The following FLRT2 variants were observed in gnomAD, a reference collection of about 807,000 sequenced individuals.
FLRT2 encodes the protein fibronectin leucine rich transmembrane protein 2.
In FLRT2, 15 loss-of-function variants were observed where a neutral mutation model predicts 40.0. The ratio of observed to expected loss-of-function variants is 0.38; its 90% CI spans 0.25 to 0.58. FLRT2 has a LOEUF of 0.58. Ranked by LOEUF, FLRT2 falls within the 20% of genes least tolerant of loss-of-function variation. FLRT2 has a pLI of 0.71. For missense variants in FLRT2, 726 were observed against 840.0 expected (o/e 0.86, Z 1.68); for synonymous variants, 380 against 336.8 (o/e 1.13, Z -1.41).
intron 1 of FLRT2, among the ~76,000 whole-genome samples, chr14:85,578,891 C>A (rs1391926595): frequency 6.6e-6 from 1 of 152,210 alleles, no homozygotes; most frequent in Non-Finnish European, 1.5e-5. Flanking sequence ...AACCAGAAGG[C>A]ACTCCAAAGG....
At chr14:85,572,472 A>T (rs954918049) in intron 1 of FLRT2, among the ~76,000 whole-genome samples, 8 of 152,202 alleles carry the variant, frequency 5.3e-5, no homozygotes, top group African/African-American at 1.9e-4. Flanking sequence ...CAGTATATCC[A>T]GTAATTTTTT....
In FLRT2 at chr14:85,530,255, A is replaced by G. The variant is rs1364035282; in HGVS notation, c.-656A>G. Reference sequence around the variant, plus strand: ...TCAGTGCCCGCAAATCTCCGCGCCAAGGCGCTGAGCTACTCCTTTCCGAGG... The same window carrying G: ...TCAGTGCCCGCAAATCTCCGCGCCAGGGCGCTGAGCTACTCCTTTCCGAGG... On this transcript the variant is annotated 5_prime_UTR_variant, in exon 1 of 2. Transcript: ENST00000330753. 6.6e-6 allele frequency: 1 copy of G among 152,578 alleles called. No individual in the cohort carries two copies. Among genetic ancestry groups the G allele is most frequent in the Non-Finnish European group, 1.5e-5 (1 of 68,054 alleles). 9.5% of individuals were successfully genotyped at this position (152,578 alleles called of 1,614,324 possible).
chr14:85,590,058 ATTT>A (rs35439175), intron 1 of FLRT2, among the ~76,000 whole-genome samples: 14,692 of 146,782 alleles, frequency 0.1, 2,459 homozygotes, highest in African/African-American at 0.34. Flanking sequence ...TTTTGCTCAG[ATTT>A]TTTTTTTTTT....
intron 1 of FLRT2, among the ~76,000 whole-genome samples, chr14:85,592,352 G>T (rs1332236062): frequency 2.0e-5 from 3 of 152,064 alleles, no homozygotes; most frequent in Admixed American, 2.0e-4. Context: ...CGTGGTAAAT[G>T]GGAACCTCCA....
Position 85,623,085 on chromosome 14 carries a change from A to G in FLRT2, c.1571A>G (p.Asn524Ser), listed in dbSNP as rs1010099571. The change falls in exon 2 of 2, where the codon AAC (asparagine) becomes AGC (serine). Residue 524 changes from asparagine to serine, a missense_variant. Asn to Ser is a conservative substitution (Grantham distance 46, BLOSUM62 1). Transcript: ENST00000330753. ...GCCTCCTATCTGAACAACGGCAGCA[A>G]CACAGCGTCCAGCCATGAGCAGACG... Reference protein sequence around the residue: ...THASYLNNGSNTASSHEQTTS... With the variant: ...THASYLNNGSSTASSHEQTTS... The G allele has an allele frequency of 1.7e-5, 27 of 1,614,006 alleles. No homozygotes were observed. The highest frequency in any genetic ancestry group is 2.2e-5 in the Non-Finnish European group (26 of 1,180,018).
chr14:85,560,955 C>G (rs1171334598), intron 1 of FLRT2: 2 of 152,168 alleles, frequency 1.3e-5, no homozygotes, highest in Non-Finnish European at 2.9e-5. Flanking sequence ...ATAACCTTGT[C>G]ACATTATCAT....
In FLRT2 at chr14:85,645,110, G is replaced by A. The variant is rs1894260368; in HGVS notation, c.*21613G>A. ...TTTGATCAACCAACCATAAAGTTGAGCTTGGGCAGCAGAACTCCTACATCA... is the reference window on the plus strand; with the variant it reads ...TTTGATCAACCAACCATAAAGTTGAACTTGGGCAGCAGAACTCCTACATCA... On this transcript the variant is annotated 3_prime_UTR_variant, in exon 2 of 2. Coordinates refer to ENST00000330753, the MANE Select transcript of FLRT2 (RefSeq NM_013231.6). The A allele has an allele frequency of 6.6e-6, 1 of 151,846 alleles. No homozygotes were observed. The highest frequency in any genetic ancestry group is 1.5e-5 in the Non-Finnish European group (1 of 68,030). 9.4% of individuals were successfully genotyped at this position (151,846 alleles called of 1,614,324 possible).
chr14:85,590,304 C>A (rs1403045203), intron 1 of FLRT2, among the ~76,000 whole-genome samples: 1 of 152,050 alleles, frequency 6.6e-6, no homozygotes, highest in Non-Finnish European at 1.5e-5. Context: ...CCTGGGAATG[C>A]CCTAGACGAA....
intron 1 of FLRT2, among the ~76,000 whole-genome samples, chr14:85,618,175 T>G (rs1342428303): frequency 4.6e-5 from 7 of 152,208 alleles, no homozygotes; most frequent in Admixed American, 3.3e-4. Flanking sequence ...TGTTAGTTGA[T>G]GAACTCTAAG....
At chr14:85,558,079 G>A (rs938315959) in intron 1 of FLRT2, among the ~76,000 whole-genome samples, 16 of 152,132 alleles carry the variant, frequency 1.1e-4, no homozygotes, top group Admixed American at 3.3e-4. Flanking sequence ...GTAGACTTCC[G>A]TAGAAAGCAC....
intron 1 of FLRT2, among the ~76,000 whole-genome samples, chr14:85,610,682 T>C (rs1441193557): frequency 6.6e-6 from 1 of 152,092 alleles, no homozygotes; most frequent in Non-Finnish European, 1.5e-5. Context: ...CTTATTGGCC[T>C]CTCTTCTCCT....
chr14:85,549,342 C>T (rs966930823), intron 1 of FLRT2, among the ~76,000 whole-genome samples: 1 of 152,202 alleles, frequency 6.6e-6, no homozygotes, highest in Non-Finnish European at 1.5e-5. Flanking sequence ...CATGGGCCTG[C>T]ACGGAGTTTT....
At chr14:85,578,180 T>TTATATATAAAAATA (rs1331152161) in intron 1 of FLRT2, among the ~76,000 whole-genome samples, 6 of 90,984 alleles carry the variant, frequency 6.6e-5, no homozygotes, top group South Asian at 8.4e-4. Context: ...AAAAATATCT[T>TTATATATAAAAATA]TATATATATT....
intron 1 of FLRT2, among the ~76,000 whole-genome samples, chr14:85,590,656 G>A (rs1891841000): frequency 6.6e-6 from 1 of 152,050 alleles, no homozygotes; most frequent in African/African-American, 2.4e-5. Context: ...CTGGAGTGCA[G>A]TGGTGCGGTC....
chr14:85,601,677 A>G (rs149277689), intron 1 of FLRT2, among the ~76,000 whole-genome samples: 38 of 152,382 alleles, frequency 2.5e-4, no homozygotes, highest in African/African-American at 9.1e-4. Context: ...GGTCGCTTAT[A>G]AAATGAGACT....
At chr14:85,591,029 T>A (rs532143524) in intron 1 of FLRT2, among the ~76,000 whole-genome samples, 1 of 152,316 alleles carries the variant, frequency 6.6e-6, no homozygotes, top group South Asian at 2.1e-4. Context: ...TTCTTCTTTA[T>A]CTTTTTTGGG....
rs566427026 is a variant in FLRT2, at chr14:85,651,029, AG to A, written c.*27534del. 14 of 151,984 alleles carry A rather than the reference AG, an allele frequency of 9.2e-5. No homozygotes were observed. The South Asian group carries it at 2.9e-3, about 32-fold the overall frequency. 9.4% of individuals were successfully genotyped at this position (151,984 alleles called of 1,614,324 possible). A position where few individuals can be genotyped will look rare whatever the true frequency, so the allele number is the denominator to read the frequency against. ...GGCCTGTTTTGTTTTTCTTAATATAAGGCTATACATTTCCCTCTAAGAACTA... is the reference window on the plus strand; with the variant it reads ...GGCCTGTTTTGTTTTTCTTAATATAAGCTATACATTTCCCTCTAAGAACTA... On this transcript the variant is annotated 3_prime_UTR_variant, in exon 2 of 2. Coordinates refer to ENST00000330753, the MANE Select transcript of FLRT2 (RefSeq NM_013231.6).
At chr14:85,594,758 A>G (rs1401083130) in intron 1 of FLRT2, among the ~76,000 whole-genome samples, 1 of 152,152 alleles carries the variant, frequency 6.6e-6, no homozygotes, top group Non-Finnish European at 1.5e-5. Flanking sequence ...GGAGTTAGGA[A>G]CACGGACCCT....
chr14:85,566,732 G>GAA (rs1890641869), intron 1 of FLRT2, among the ~76,000 whole-genome samples: 1 of 146,658 alleles, frequency 6.8e-6, no homozygotes, highest in Non-Finnish European at 1.5e-5. Context: ...TCTCGTGGCT[G>GAA]AAAAATAGTC....
Sources: gnomAD v4.1 joint callset for allele counts (sites outside exome capture counted in the v4.1 genomes callset) on GRCh38, gnomAD v4.1.1 for gene constraint, MANE v1.5 for transcripts, NCBI Gene and HGNC (gene_info 2026-07-23, HGNC 2026-07-21) for gene names.